Variants in RFFL observed in about 807,000 individuals in gnomAD.
RFFL encodes E3 ubiquitin-protein ligase rififylin.
Under a neutral mutation model 40.4 loss-of-function variants are expected in RFFL, and 16 were observed. The ratio of observed to expected loss-of-function variants is 0.40; its 90% CI spans 0.27 to 0.60. RFFL has a LOEUF of 0.60. RFFL is among the 20% of genes least tolerant of loss of function. The pLI is 0.47. For missense variants in RFFL, 367 were observed against 451.7 expected (o/e 0.81, Z 1.70); for synonymous variants, 154 against 167.9 (o/e 0.92, Z 0.64).
At chr17:35,078,329 G>A (rs1045718834) in intron 1 of RFFL, among the ~76,000 whole-genome samples, 3 of 152,000 alleles carry the variant, frequency 2.0e-5, no homozygotes, top group African/African-American at 7.2e-5. Flanking sequence ...TGGAGACAGG[G>A]TCTCACTCTG....
intron 1 of RFFL, among the ~76,000 whole-genome samples, chr17:35,080,115 C>T (rs1302342385): frequency 1.3e-5 from 2 of 152,132 alleles, no homozygotes; most frequent in African/African-American, 4.8e-5. Flanking sequence ...GAAAACACTC[C>T]TTCCTCTCTC....
chr17:35,065,949 A>T (rs1244108055), upstream of RFFL, among the ~76,000 whole-genome samples: 1 of 152,112 alleles, frequency 6.6e-6, no homozygotes, highest in East Asian at 1.9e-4. Context: ...CTTTCTGACT[A>T]AGTTCTTTCA....
intron 1 of RFFL, among the ~76,000 whole-genome samples, chr17:35,070,148 T>TCTA (rs978526792): frequency 6.6e-6 from 1 of 152,052 alleles, no homozygotes; most frequent in African/African-American, 2.4e-5. Flanking sequence ...GGGTCTAACT[T>TCTA]CTACTTTATG....
chr17:35,068,902 T>A (rs1328789403), intron 1 of RFFL, among the ~76,000 whole-genome samples: 1 of 152,186 alleles, frequency 6.6e-6, no homozygotes, highest in Non-Finnish European at 1.5e-5. Context: ...AACCATTTGA[T>A]GGGTATAATT....
chr17:35,049,504 T>C (rs550725122), intron 1 of RFFL, among the ~76,000 whole-genome samples: 1 of 152,022 alleles, frequency 6.6e-6, no homozygotes, highest in African/African-American at 2.4e-5. Context: ...TAGGAAGCAA[T>C]GGGAAATGGG....
rs201249821 is a variant in RFFL at position 35,011,983 on chromosome 17, A to G, written c.1077T>C (p.His359=). 27 of 1,614,164 alleles carry G rather than the reference A, an allele frequency of 1.7e-5. No individual in the cohort carries two copies. The highest frequency in any genetic ancestry group is 6.7e-5 in the Admixed American group (4 of 60,022). ...ATGCAAGCTCTCAGGACCGGAAGACATGCACAGCTCGGATTACATACTGCC... is the reference window on the plus strand; with the variant it reads ...ATGCAAGCTCTCAGGACCGGAAGACGTGCACAGCTCGGATTACATACTGCC... ...ICRQYVIRAV[H]VFRS The change falls in exon 7 of 7, where the codon CAT becomes CAC. Residue 359 remains histidine (H), a synonymous_variant. Transcript: ENST00000394597.
Position 35,013,829 on chromosome 17 carries a change from T to C in RFFL, c.910+911A>G, listed in dbSNP as rs1442341571. Among the ~76,000 whole-genome samples, 3 of 152,160 alleles carry C rather than the reference T, an allele frequency of 2.0e-5. 1 individual carries two copies. The highest frequency in any genetic ancestry group is 7.2e-5 in the African/African-American group (3 of 41,444). ...AGCACCAAGTAGATCAGCCTGATCT[T>C]GGTACCGGTGATGCTGGGGGGTTGG... On this transcript the variant is annotated intron_variant, in intron 6 of 6. Transcript: ENST00000394597.
At position 35,021,696 on chromosome 17, in the gene RFFL, T is replaced by C. The variant is rs200597179; in HGVS notation, c.266A>G (p.Gln89Arg). Residue 89 changes from glutamine to arginine, a missense_variant, in exon 3 of 7, where the codon CAA becomes CGA. Gln to Arg is a conservative substitution (Grantham distance 43). Coordinates refer to ENST00000394597, the MANE Select transcript of RFFL (RefSeq NM_001017368.2). ...CTGAAAGGCTGTAGCTCGAAACCGTTGGCAGAGAAGGCAGAGGCGGGGCCC... is the reference window on the plus strand; with the variant it reads ...CTGAAAGGCTGTAGCTCGAAACCGTCGGCAGAGAAGGCAGAGGCGGGGCCC... ...GNGPRLCLLC[Q>R]RFRATAFQRE... 6.2e-7 allele frequency: 1 copy of C among 1,614,226 alleles called. No homozygotes were observed. Among genetic ancestry groups the C allele is most frequent in the Non-Finnish European group, 8.5e-7 (1 of 1,180,042 alleles).
intron 1 of RFFL, among the ~76,000 whole-genome samples, chr17:35,088,489 G>A (rs2091441963): frequency 6.6e-6 from 1 of 152,172 alleles, no homozygotes. Context: ...ACTGTCTCCT[G>A]GGCAGCCGGC....
At chr17:35,075,448 C>T (rs1374380211) in intron 1 of RFFL, among the ~76,000 whole-genome samples, 4 of 152,160 alleles carry the variant, frequency 2.6e-5, no homozygotes, top group African/African-American at 9.7e-5. Flanking sequence ...TGTCCAAAGG[C>T]CCCCATATAG....
intron 1 of RFFL, among the ~76,000 whole-genome samples, chr17:35,075,943 G>A (rs2091373271): frequency 6.7e-6 from 1 of 148,388 alleles, no homozygotes; most frequent in Non-Finnish European, 1.5e-5. Flanking sequence ...AGGGGAATAT[G>A]CCTCCCAATA....
chr17:35,071,599 T>C (rs573496232), intron 1 of RFFL, among the ~76,000 whole-genome samples: 11 of 151,316 alleles, frequency 7.3e-5, no homozygotes, highest in South Asian at 2.1e-4. Context: ...GCCTGGGTGA[T>C]AGAGTGAGTG....
upstream of RFFL, among the ~76,000 whole-genome samples, chr17:35,065,147 A>G (rs776957096): frequency 2.0e-5 from 3 of 152,274 alleles, no homozygotes; most frequent in Admixed American, 1.3e-4. Context: ...GTAGTTGATG[A>G]TAAGTTACAA....
rs531363042 is a variant in RFFL at position 35,084,206 on chromosome 17, C to G, written c.-9+4899G>C. Among the ~76,000 whole-genome samples the G allele has an allele frequency of 1.5e-3, 232 of 152,284 alleles. 1 individual carries two copies. The highest frequency in any genetic ancestry group is 5.4e-3 in the African/African-American group (224 of 41,554). On this transcript the variant is annotated intron_variant, in intron 1 of 6. Transcript: ENST00000315249. Reference sequence around the variant, plus strand: ...GTGAGCCGAGATCATGCCACGCACTCTAGCCTGGGTGACAGAGACTCCATC... The same window carrying G: ...GTGAGCCGAGATCATGCCACGCACTGTAGCCTGGGTGACAGAGACTCCATC...
intron 1 of RFFL, among the ~76,000 whole-genome samples, chr17:35,076,074 A>T (rs545823512): frequency 6.9e-6 from 1 of 144,702 alleles, no homozygotes; most frequent in African/African-American, 2.6e-5. Context: ...GCTCACTGCA[A>T]TCTCCACCTC....
upstream of RFFL, among the ~76,000 whole-genome samples, chr17:35,068,490 C>G (rs2091331819): frequency 6.6e-6 from 1 of 152,254 alleles, no homozygotes; most frequent in Non-Finnish European, 1.5e-5. Context: ...GAGGCTCAAC[C>G]TGCTTCACAG....
At chr17:35,080,023 C>A (rs1454583571) in intron 1 of RFFL, among the ~76,000 whole-genome samples, 2 of 152,126 alleles carry the variant, frequency 1.3e-5, no homozygotes, top group African/African-American at 4.8e-5. Context: ...TAGCCCCTAA[C>A]TATTCCTTTC....
intron 6 of RFFL, among the ~76,000 whole-genome samples, chr17:35,014,275 A>G (rs927479383): frequency 1.3e-5 from 2 of 152,152 alleles, no homozygotes; most frequent in Non-Finnish European, 2.9e-5. Flanking sequence ...TCTAACCATT[A>G]CCAGCCCTGT....
intron 1 of RFFL, chr17:35,074,109 G>A (rs2091364421): frequency 6.6e-6 from 1 of 152,118 alleles, no homozygotes. Flanking sequence ...ACCATTTTTA[G>A]GAAGAAGCCT....
Sources: allele counts gnomAD v4.1 joint callset (sites outside exome capture counted in the v4.1 genomes callset), GRCh38; gene constraint gnomAD v4.1.1; transcripts MANE v1.5; gene names NCBI Gene and HGNC (gene_info 2026-07-23, HGNC 2026-07-21).